Variants in TMC1 observed in about 807,000 individuals in gnomAD.
The protein encoded by TMC1 is transmembrane channel-like protein 1.
A neutral mutation model predicts 105.8 loss-of-function variants in TMC1; 84 were observed. That is an observed-to-expected ratio of 0.79 (90% CI 0.67 to 0.95). TMC1 has a LOEUF of 0.95. Ranked by LOEUF, TMC1 falls within the 40% of genes least tolerant of loss-of-function variation. TMC1 has a pLI of 0.00. For synonymous variants in TMC1, 315 were observed against 311.5 expected (o/e 1.01, Z -0.12); for missense variants, 817 against 914.1 (o/e 0.89, Z 1.37).
chr9:72,600,261 AC>A (rs1198295784), intron 2 of TMC1, among the ~76,000 whole-genome samples: 3 of 152,248 alleles, frequency 2.0e-5, no homozygotes, highest in African/African-American at 4.8e-5. Flanking sequence ...TACAGAGCTT[AC>A]TGACTATACT....
intron 17 of TMC1, among the ~76,000 whole-genome samples, chr9:72,796,458 A>G (rs1362290087): frequency 1.3e-5 from 2 of 152,288 alleles, no homozygotes; most frequent in East Asian, 1.9e-4. Context: ...AGGCCCATCA[A>G]TTCAAAAATC....
At chr9:72,687,519 T>C (rs534683506) in intron 5 of TMC1, among the ~76,000 whole-genome samples, 1 of 152,336 alleles carries the variant, frequency 6.6e-6, no homozygotes, top group South Asian at 2.1e-4. Flanking sequence ...AGAAGGCATA[T>C]GTTCACTTTG....
intron 1 of TMC1, among the ~76,000 whole-genome samples, chr9:72,525,058 A>G (rs548973235): frequency 9.4e-4 from 143 of 152,362 alleles, no homozygotes; most frequent in Non-Finnish European, 1.4e-3. Flanking sequence ...CTTCAAGGAC[A>G]TAAGAAAGGG....
At chr9:72,607,416 G>A (rs939727959) in intron 2 of TMC1, among the ~76,000 whole-genome samples, 6 of 147,892 alleles carry the variant, frequency 4.1e-5, no homozygotes, top group African/African-American at 1.0e-4. Flanking sequence ...TCAGAAGATC[G>A]AGACCATCCT....
chr9:72,685,207 TAC>T (rs1554720651), intron 5 of TMC1, among the ~76,000 whole-genome samples: 3 of 139,172 alleles, frequency 2.2e-5, no homozygotes, highest in African/African-American at 2.7e-5. Flanking sequence ...CCCGGGTTCA[TAC>T]CATTCTCCTG....
intron 2 of TMC1, among the ~76,000 whole-genome samples, chr9:72,582,761 CTGTTT>C (rs1309338952): frequency 3.9e-5 from 6 of 152,120 alleles, no homozygotes; most frequent in Admixed American, 2.6e-4. Flanking sequence ...TCATTTATTT[CTGTTT>C]TATTTCTAGC....
At chr9:72,679,985 C>A (rs556625740) in intron 5 of TMC1, among the ~76,000 whole-genome samples, 109 of 124,314 alleles carry the variant, frequency 8.8e-4, no homozygotes, top group Non-Finnish European at 1.6e-3. Context: ...GCTAACATGA[C>A]CCTTTGTATA....
intron 1 of TMC1, among the ~76,000 whole-genome samples, chr9:72,574,845 C>T (rs1423759509): frequency 1.3e-5 from 2 of 152,188 alleles, no homozygotes; most frequent in African/African-American, 4.8e-5. Context: ...TCTTCACCCC[C>T]ATTGTTGAAA....
At chr9:72,827,698 A>T (rs563567692) in intron 21 of TMC1, among the ~76,000 whole-genome samples, 1 of 152,208 alleles carries the variant, frequency 6.6e-6, no homozygotes, top group African/African-American at 2.4e-5. Context: ...TTTGCTGTGG[A>T]AGAGCCAAAA....
chr9:72,801,803 G>C (rs1212873241), intron 17 of TMC1, among the ~76,000 whole-genome samples: 1 of 152,100 alleles, frequency 6.6e-6, no homozygotes, highest in Non-Finnish European at 1.5e-5. Flanking sequence ...CCATTGTTTG[G>C]ATTCTCTTTC....
chr9:72,790,739 C>T (rs1365535686), intron 15 of TMC1, among the ~76,000 whole-genome samples: 1 of 151,928 alleles, frequency 6.6e-6, no homozygotes, highest in African/African-American at 2.4e-5. Flanking sequence ...TTGATAAAAC[C>T]AAATTTAAAT....
intron 8 of TMC1, among the ~76,000 whole-genome samples, chr9:72,725,319 G>GTGTATGTA (rs1296385543): frequency 5.9e-5 from 3 of 51,134 alleles, no homozygotes; most frequent in African/African-American, 2.1e-4. Flanking sequence ...CATTTTATGT[G>GTGTATGTA]TGTATGTATA....
chr9:72,771,896 G>A (rs1827932705), intron 12 of TMC1, among the ~76,000 whole-genome samples: 1 of 152,144 alleles, frequency 6.6e-6, no homozygotes, highest in Non-Finnish European at 1.5e-5. Flanking sequence ...AATGGGAAGT[G>A]TGCAGATGAG....
At chr9:72,806,561 A>G (rs966954074) in intron 18 of TMC1, among the ~76,000 whole-genome samples, 1 of 145,820 alleles carries the variant, frequency 6.9e-6, no homozygotes, top group Non-Finnish European at 1.5e-5. Context: ...GTTGCCGGGC[A>G]GAGGGTCTCC....
intron 8 of TMC1, among the ~76,000 whole-genome samples, chr9:72,716,963 G>A (rs1458877209): frequency 6.6e-6 from 1 of 152,194 alleles, no homozygotes; most frequent in African/African-American, 2.4e-5. Flanking sequence ...TGCAGTATCT[G>A]GGCCGGTGTA....
intron 17 of TMC1, among the ~76,000 whole-genome samples, chr9:72,794,888 C>T (rs371374250): frequency 4.6e-5 from 7 of 152,052 alleles, no homozygotes; most frequent in South Asian, 2.1e-4. Flanking sequence ...CACAATAACA[C>T]GACACTGGAG....
intron 17 of TMC1, among the ~76,000 whole-genome samples, chr9:72,802,410 G>A (rs893582589): frequency 3.9e-5 from 6 of 151,990 alleles, no homozygotes; most frequent in African/African-American, 1.5e-4. Context: ...GAAATTGCTG[G>A]GCATTGTGTG....
At chr9:72,643,973 T>G (rs1417862198) in intron 4 of TMC1, among the ~76,000 whole-genome samples, 1 of 152,158 alleles carries the variant, frequency 6.6e-6, no homozygotes, top group South Asian at 2.1e-4. Context: ...GCCATTTTAA[T>G]AAATGTGTAG....
intron 20 of TMC1, among the ~76,000 whole-genome samples, chr9:72,821,319 C>A (rs1828868508): frequency 6.6e-6 from 1 of 151,768 alleles, no homozygotes. Context: ...CACGGTGAAA[C>A]CTCGTCTCTA....
Sources: allele counts gnomAD v4.1 joint callset (sites outside exome capture counted in the v4.1 genomes callset), GRCh38; gene constraint gnomAD v4.1.1; transcripts MANE v1.5; gene names NCBI Gene and HGNC (gene_info 2026-07-23, HGNC 2026-07-21).